CLMN: variants seen among roughly 807,000 people sequenced by gnomAD.
CLMN encodes the protein calmin.
A neutral mutation model predicts 92.7 loss-of-function variants in CLMN; 57 were observed. The ratio of observed to expected loss-of-function variants is 0.61; its 90% CI spans 0.50 to 0.77. The LOEUF is 0.77. Ranked by LOEUF, CLMN falls within the 30% of genes least tolerant of loss-of-function variation. The pLI is 0.00. For synonymous variants in CLMN, 466 were observed against 470.6 expected (o/e 0.99, Z 0.13); for missense variants, 1,158 against 1,237.5 (o/e 0.94, Z 0.96).
At chr14:95,229,312 T>C (rs1239086767) in intron 2 of CLMN, among the ~76,000 whole-genome samples, 2 of 152,246 alleles carry the variant, frequency 1.3e-5, no homozygotes, top group Admixed American at 1.3e-4. Flanking sequence ...GCTCTTCCTT[T>C]AGTCTGTTTC....
intron 1 of CLMN, among the ~76,000 whole-genome samples, chr14:95,236,583 T>C (rs1389277319): frequency 6.6e-6 from 1 of 151,824 alleles, no homozygotes; most frequent in Admixed American, 6.6e-5. Flanking sequence ...CAGCCCCAGA[T>C]CACACAATGA....
At chr14:95,255,090 C>A (rs10149231) in intron 1 of CLMN, among the ~76,000 whole-genome samples, 3 of 152,074 alleles carry the variant, frequency 2.0e-5, no homozygotes, top group Non-Finnish European at 2.9e-5. Flanking sequence ...CAGGAAACAC[C>A]AGGGGTGCAT....
intron 1 of CLMN, among the ~76,000 whole-genome samples, chr14:95,260,130 A>C (rs1209369831): frequency 6.6e-6 from 1 of 152,196 alleles, no homozygotes; most frequent in East Asian, 1.9e-4. Flanking sequence ...TCTGTCCTGC[A>C]TATTGGTTCA....
At position 95,204,472 on chromosome 14, in the gene CLMN, AAAAAC is replaced by A. The variant is rs747505957; in HGVS notation, c.886-14_886-10del. The A allele has an allele frequency of 8.4e-6, 13 of 1,549,836 alleles. No homozygotes were observed. In the East Asian group the frequency reaches 1.4e-4, roughly 16 times the overall value. On this transcript the variant is annotated splice_polypyrimidine_tract_variant and intron_variant, in intron 8 of 12. Coordinates refer to ENST00000298912, the MANE Select transcript of CLMN (RefSeq NM_024734.4). The stretch of plus-strand genomic sequence containing the variant: ...GAATCGAAAATATCTTCCTGCAAAA[AAAAAC>A]AAAAACAAACAAACAAAAAAAAACA...
chr14:95,232,742 C>T (rs1240655534), intron 1 of CLMN, among the ~76,000 whole-genome samples: 1 of 152,192 alleles, frequency 6.6e-6, no homozygotes, highest in South Asian at 2.1e-4. Context: ...CTCCCGGAAG[C>T]TCAGAGAGTG....
At chr14:95,268,777 CCTCTCTCT>C (rs1195649669) in intron 1 of CLMN, among the ~76,000 whole-genome samples, 2 of 129,696 alleles carry the variant, frequency 1.5e-5, no homozygotes, top group Non-Finnish European at 1.6e-5. Flanking sequence ...TATACTGGGA[CCTCTCTCT>C]CTCTCTCTCT....
chr14:95,312,334 C>G (rs1901577423), intron 1 of CLMN, among the ~76,000 whole-genome samples: 1 of 152,188 alleles, frequency 6.6e-6, no homozygotes, highest in Non-Finnish European at 1.5e-5. Flanking sequence ...GACCAGGCTT[C>G]AAGTGGGTAA....
intron 3 of CLMN, 87 bp downstream of exon 3, chr14:95,223,673 T>C (rs1326959903): frequency 1.0e-6 from 1 of 978,670 alleles, no homozygotes; most frequent in Non-Finnish European, 1.5e-6. Context: ...TTATAGGATA[T>C]GTCCAGGTAT....
chr14:95,215,175 AATCT>A (rs1198369614), intron 5 of CLMN, among the ~76,000 whole-genome samples: 2 of 152,204 alleles, frequency 1.3e-5, no homozygotes, highest in Non-Finnish European at 2.9e-5. Context: ...CCCTCTATCA[AATCT>A]GCATTTCCAG....
chr14:95,247,875 T>A (rs576275990), intron 1 of CLMN, among the ~76,000 whole-genome samples: 1 of 150,368 alleles, frequency 6.7e-6, no homozygotes, highest in South Asian at 2.1e-4. Flanking sequence ...GAGAGAGACA[T>A]AGAGATGAGA....
chr14:95,186,530 G>A lies in CLMN; in HGVS notation c.*5034C>T, dbSNP rs900864433. 1.3e-5 allele frequency: 2 copies of A among 152,160 alleles called. No homozygotes were observed. The highest frequency in any genetic ancestry group is 1.9e-4 in the East Asian group (1 of 5,200). 9.4% of individuals were successfully genotyped at this position (152,160 alleles called of 1,614,324 possible). On this transcript the variant is annotated 3_prime_UTR_variant, in exon 13 of 13. Coordinates refer to ENST00000298912, the MANE Select transcript of CLMN (RefSeq NM_024734.4). ...GTTGGCCACGTTCAACAGAGAATCC[G>A]CGCTGTTTGTTTGCTGGCAAACACC...
rs375568846 is a variant in CLMN, at chr14:95,299,139, T to C, written c.82+20572A>G. Among the ~76,000 whole-genome samples, 8 of 152,328 alleles carry C rather than the reference T, an allele frequency of 5.3e-5. No homozygotes were observed. In the East Asian group the frequency reaches 1.4e-3, roughly 26 times the overall value. On this transcript the variant is annotated intron_variant, in intron 1 of 12. Coordinates refer to ENST00000298912, the MANE Select transcript of CLMN (RefSeq NM_024734.4). ...CCTGCCCTGTTAGCACATGGTCTAA[T>C]GGGAATGAGAGCCAGCGGGTAGAGA...
At chr14:95,315,292 G>C (rs1232816310) in intron 1 of CLMN, among the ~76,000 whole-genome samples, 2 of 152,100 alleles carry the variant, frequency 1.3e-5, no homozygotes, top group Admixed American at 6.5e-5. Flanking sequence ...TTTTCTCGTG[G>C]TCACATGGGA....
intron 2 of CLMN, among the ~76,000 whole-genome samples, chr14:95,226,814 C>A (rs568105810): frequency 6.6e-6 from 1 of 152,162 alleles, no homozygotes; most frequent in Non-Finnish European, 1.5e-5. Flanking sequence ...TGGGCTCATG[C>A]GATATCCTCC....
At chr14:95,266,547 A>C (rs1566904158) in intron 1 of CLMN, among the ~76,000 whole-genome samples, 1 of 152,212 alleles carries the variant, frequency 6.6e-6, no homozygotes, top group Non-Finnish European at 1.5e-5. Flanking sequence ...AAACTGAAGA[A>C]GACAAAACAA....
intron 7 of CLMN, among the ~76,000 whole-genome samples, chr14:95,210,304 G>A (rs1470001494): frequency 2.0e-5 from 3 of 151,622 alleles, no homozygotes; most frequent in South Asian, 2.1e-4. Flanking sequence ...CACCTGCCTC[G>A]GCCTCCCAAA....
intron 1 of CLMN, among the ~76,000 whole-genome samples, chr14:95,292,321 G>T (rs1186831120): frequency 6.6e-6 from 1 of 152,120 alleles, no homozygotes; most frequent in Admixed American, 6.5e-5. Context: ...TTTAAAACCA[G>T]AAACTATGCT....
chr14:95,241,389 G>C (rs1272727109), intron 1 of CLMN, among the ~76,000 whole-genome samples: 1 of 152,118 alleles, frequency 6.6e-6, no homozygotes, highest in Non-Finnish European at 1.5e-5. Context: ...ATGCCCCAGG[G>C]GGAAAGCAGC....
intron 1 of CLMN, among the ~76,000 whole-genome samples, chr14:95,308,589 T>C (rs754576536): frequency 6.6e-6 from 1 of 152,202 alleles, no homozygotes; most frequent in Non-Finnish European, 1.5e-5. Flanking sequence ...CCATCAGGGT[T>C]CTTCCAAAGA....
Sources: gnomAD v4.1 joint callset for allele counts (sites outside exome capture counted in the v4.1 genomes callset) on GRCh38, gnomAD v4.1.1 for gene constraint, MANE v1.5 for transcripts, NCBI Gene and HGNC (gene_info 2026-07-23, HGNC 2026-07-21) for gene names.